Variants in EEA1 observed in about 807,000 individuals in gnomAD.
EEA1 encodes the protein early endosome antigen 1, also known as early endosome antigen 1, 162kD.
Under a neutral mutation model 209.2 loss-of-function variants are expected in EEA1, and 111 were observed. That is an observed-to-expected ratio of 0.53 (90% confidence interval 0.45 to 0.62). The LOEUF is 0.62. Among genes scored for constraint, EEA1 ranks in the 20% least tolerant of loss-of-function variants. The pLI is 0.00. For missense variants in EEA1, 1,343 were observed against 1,530.8 expected (o/e 0.88, Z 2.05); for synonymous variants, 536 against 540.6 (o/e 0.99, Z 0.12).
chr12:92,836,221 T>A (rs1876923892), intron 10 of EEA1, among the ~76,000 whole-genome samples: 1 of 152,190 alleles, frequency 6.6e-6, no homozygotes, highest in African/African-American at 2.4e-5. Flanking sequence ...AATTGAGACA[T>A]TCAATAAATC....
At chr12:92,828,127 C>T (rs1876409897) in intron 11 of EEA1, 66 bp from the exon 12 acceptor site, 1 of 1,246,564 alleles carries the variant, frequency 8.0e-7, no homozygotes. Context: ...CACCTACTTT[C>T]CAAACAATGT....
chr12:92,799,310 C>A (rs1874794930), intron 20 of EEA1, among the ~76,000 whole-genome samples: 1 of 152,180 alleles, frequency 6.6e-6, no homozygotes, highest in Admixed American at 6.5e-5. Flanking sequence ...TCATAACCAA[C>A]ACTATTCACT....
intron 2 of EEA1, among the ~76,000 whole-genome samples, chr12:92,881,435 G>A (rs932304098): frequency 1.3e-5 from 2 of 152,068 alleles, no homozygotes; most frequent in African/African-American, 4.8e-5. Flanking sequence ...GGAACGGAGG[G>A]AAGGAAAGGA....
chr12:92,921,692 A>T (rs1881002333), intron 1 of EEA1, among the ~76,000 whole-genome samples: 1 of 141,504 alleles, frequency 7.1e-6, no homozygotes. Context: ...TGGCACATGT[A>T]TACATATGTA....
chr12:92,850,487 C>T (rs1565834501), intron 9 of EEA1, among the ~76,000 whole-genome samples: 1 of 151,964 alleles, frequency 6.6e-6, no homozygotes, highest in Admixed American at 6.6e-5. Context: ...GTCAGGAGTT[C>T]GAGACCAGCC....
intron 23 of EEA1, among the ~76,000 whole-genome samples, chr12:92,780,980 C>A (rs4528377): frequency 0.52 from 79,028 of 152,004 alleles, 21,394 homozygotes; most frequent in East Asian, 0.92. Context: ...GATCATGGCT[C>A]ACTCACTGCA....
At chr12:92,862,147 GAGTAGAATGTAATTGT>G (rs1446601802) in intron 3 of EEA1, among the ~76,000 whole-genome samples, 33 of 152,198 alleles carry the variant, frequency 2.2e-4, no homozygotes, top group Non-Finnish European at 4.7e-4. Flanking sequence ...TGTTATAGTG[GAGTAGAATGTAATTGT>G]CAGAAACTGA....
At chr12:92,898,663 CAA>C (rs111508712) in intron 1 of EEA1, among the ~76,000 whole-genome samples, 1 of 115,042 alleles carries the variant, frequency 8.7e-6, no homozygotes, top group African/African-American at 3.3e-5. Context: ...GACTCCATCT[CAA>C]AAAAAAAAAA....
intron 1 of EEA1, among the ~76,000 whole-genome samples, chr12:92,909,720 T>A (rs1305665331): frequency 1.3e-5 from 2 of 152,194 alleles, no homozygotes; most frequent in Admixed American, 6.5e-5. Context: ...GGCTTTGTTA[T>A]AAAGACAAGC....
chr12:92,829,118 C>T (rs1461073636), intron 11 of EEA1, among the ~76,000 whole-genome samples: 1 of 151,996 alleles, frequency 6.6e-6, no homozygotes, highest in East Asian at 1.9e-4. Flanking sequence ...TTTATGTATC[C>T]CCTAGTAAAT....
At chr12:92,864,201 G>A (rs144292740) in intron 3 of EEA1, among the ~76,000 whole-genome samples, 392 of 152,068 alleles carry the variant, frequency 2.6e-3, no homozygotes, top group Non-Finnish European at 4.4e-3. Context: ...TATTCTTTGT[G>A]TTACAGCAGA....
chr12:92,905,483 C>G (rs947106047), intron 1 of EEA1: 6 of 152,094 alleles, frequency 3.9e-5, no homozygotes, highest in Non-Finnish European at 8.8e-5. Context: ...TGGTGGCACA[C>G]ACCTGTAATC....
At chr12:92,822,382 C>T (rs931853387) in intron 13 of EEA1, among the ~76,000 whole-genome samples, 18 of 152,114 alleles carry the variant, frequency 1.2e-4, no homozygotes, top group Non-Finnish European at 1.9e-4. Flanking sequence ...ACTCATTAAT[C>T]GACAATCAGA....
intron 1 of EEA1, among the ~76,000 whole-genome samples, chr12:92,907,555 T>A (rs543335144): frequency 6.6e-6 from 1 of 152,110 alleles, no homozygotes; most frequent in Non-Finnish European, 1.5e-5. Flanking sequence ...CCTTGGCCAC[T>A]ACCTTAATTC....
In EEA1 at chr12:92,917,458, G is replaced by T. The variant is rs945452645; in HGVS notation, c.24+11585C>A. Among the ~76,000 whole-genome samples the T allele has an allele frequency of 3.6e-4, 54 of 150,462 alleles. 1 individual carries two copies. Among genetic ancestry groups the T allele is most frequent in the South Asian group, 2.1e-3 (10 of 4,762 alleles). ...CAATATTCAACATTCTTAAAGAAAAGAATTTTCAACCCAAAATTTCATATC... is the reference window on the plus strand; with the variant it reads ...CAATATTCAACATTCTTAAAGAAAATAATTTTCAACCCAAAATTTCATATC... On this transcript the variant is annotated intron_variant, in intron 1 of 28. Transcript: ENST00000322349.
chr12:92,887,520 T>A (rs1879464217), intron 2 of EEA1, among the ~76,000 whole-genome samples: 1 of 151,998 alleles, frequency 6.6e-6, no homozygotes, highest in Non-Finnish European at 1.5e-5. Flanking sequence ...AAGCCAGGCA[T>A]GGTGATGTGC....
intron 1 of EEA1, among the ~76,000 whole-genome samples, chr12:92,897,419 C>G (rs1166375068): frequency 6.6e-6 from 1 of 152,182 alleles, no homozygotes; most frequent in African/African-American, 2.4e-5. Flanking sequence ...TGCAACCAAT[C>G]AGACTGAATG....
intron 22 of EEA1, among the ~76,000 whole-genome samples, chr12:92,784,609 C>G (rs1370382381): frequency 6.6e-6 from 1 of 152,110 alleles, no homozygotes; most frequent in Non-Finnish European, 1.5e-5. Flanking sequence ...TTTTTAAAGT[C>G]AAGCTCAAAA....
In EEA1 at chr12:92,793,331, A is replaced by G. The variant is rs1592705074; in HGVS notation, c.2968-5282T>C. Among the ~76,000 whole-genome samples the G allele has an allele frequency of 2.0e-5, 3 of 152,202 alleles. No individual in the cohort carries two copies. In the South Asian group the frequency reaches 6.2e-4, roughly 31 times the overall value. ...AAGGGTATTCAATTAGGAAAACAGG[A>G]AGTCAAATTGTCCCTGTTTGCAGAT... On this transcript the variant is annotated intron_variant, in intron 21 of 28. Transcript: ENST00000322349.
Sources: gnomAD v4.1 joint callset for allele counts (sites outside exome capture counted in the v4.1 genomes callset) on GRCh38, gnomAD v4.1.1 for gene constraint, MANE v1.5 for transcripts, NCBI Gene and HGNC (gene_info 2026-07-23, HGNC 2026-07-21) for gene names.